Variants in LINGO2 observed in about 807,000 individuals in gnomAD.
The protein encoded by LINGO2 is leucine rich repeat and Ig domain containing 2.
LINGO2 carries 14 observed loss-of-function variants against 30.6 expected under a neutral mutation model. The ratio of observed to expected loss-of-function variants is 0.46; its 90% CI spans 0.30 to 0.72. The LOEUF (loss-of-function observed/expected upper bound fraction) is 0.72. Among genes scored for constraint, LINGO2 ranks in the 30% least tolerant of loss-of-function variants. The probability of loss-of-function intolerance (pLI) is 0.07; values close to 1 mark genes in which losing one functional copy is unlikely to be tolerated. For synonymous variants in LINGO2, 317 were observed against 288.5 expected (o/e 1.10, Z -1.00); for missense variants, 729 against 751.7 (o/e 0.97, Z 0.35).
intron 2 of LINGO2, among the ~76,000 whole-genome samples, chr9:28,383,375 C>T (rs967235318): frequency 1.3e-5 from 2 of 151,624 alleles, no homozygotes; most frequent in African/African-American, 4.8e-5. Context: ...TGTTTTTAAT[C>T]TTCCACAAGT....
At chr9:29,161,598 C>G in the LINGO2 span, among the ~76,000 whole-genome samples, 1 of 152,102 alleles carries the variant, frequency 6.6e-6, no homozygotes, top group Admixed American at 6.6e-5. Flanking sequence ...CTGGGCTGCC[C>G]CTTCAGCATT....
chr9:28,171,693 G>C (rs1431448521), intron 4 of LINGO2, among the ~76,000 whole-genome samples: 1 of 151,974 alleles, frequency 6.6e-6, no homozygotes, highest in Non-Finnish European at 1.5e-5. Flanking sequence ...TGGGCCTCTG[G>C]ATCCTGGCTG....
At chr9:29,090,563 T>C in the LINGO2 span, among the ~76,000 whole-genome samples, 1,105 of 152,160 alleles carry the variant, frequency 7.3e-3, 11 homozygotes, top group African/African-American at 0.026. Context: ...ATGAATTAAT[T>C]AATTTAGCAA....
chr9:28,071,019 T>A (rs1228744866), intron 4 of LINGO2, among the ~76,000 whole-genome samples: 3 of 152,178 alleles, frequency 2.0e-5, no homozygotes, highest in Non-Finnish European at 4.4e-5. Context: ...CTGGCCCCAG[T>A]ACTACTGTTT....
the LINGO2 span, among the ~76,000 whole-genome samples, chr9:28,783,384 T>C: frequency 6.6e-6 from 1 of 152,150 alleles, no homozygotes; most frequent in African/African-American, 2.4e-5. Flanking sequence ...AAATAGTTGT[T>C]ATACTATATT....
intron 4 of LINGO2, among the ~76,000 whole-genome samples, chr9:28,200,794 G>C (rs1820202693): frequency 6.6e-6 from 1 of 152,140 alleles, no homozygotes; most frequent in Non-Finnish European, 1.5e-5. Flanking sequence ...CATTTTTAAA[G>C]TCCAGTGATA....
chr9:28,994,106 T>TA, the LINGO2 span, among the ~76,000 whole-genome samples: 1 of 151,978 alleles, frequency 6.6e-6, no homozygotes, highest in Non-Finnish European at 1.5e-5. Flanking sequence ...CATGATTGTA[T>TA]ATCTAGAAAA....
intron 4 of LINGO2, among the ~76,000 whole-genome samples, chr9:28,255,298 G>A (rs1215201206): frequency 6.6e-6 from 1 of 151,640 alleles, no homozygotes; most frequent in Non-Finnish European, 1.5e-5. Context: ...AGGTATTATA[G>A]TAGTCCCCAC....
intron 3 of LINGO2, among the ~76,000 whole-genome samples, chr9:28,309,433 G>A (rs912592949): frequency 3.8e-4 from 58 of 151,384 alleles, no homozygotes; most frequent in African/African-American, 1.3e-3. Context: ...GGACTGTTGT[G>A]GGGTGGCGGG....
the LINGO2 span, among the ~76,000 whole-genome samples, chr9:28,979,145 T>C: frequency 5.4e-3 from 824 of 152,248 alleles, 7 homozygotes; most frequent in African/African-American, 0.019. Context: ...TTCTCTGTTT[T>C]TGTCTGCTTC....
At chr9:28,348,267 G>C (rs575888671) in intron 3 of LINGO2, among the ~76,000 whole-genome samples, 178 of 152,286 alleles carry the variant, frequency 1.2e-3, no homozygotes, top group Non-Finnish European at 1.7e-3. Context: ...GTGCCAGACA[G>C]TGGGCACAGG....
Position 28,149,334 on chromosome 9 carries a change from C to G in LINGO2, c.-86-136929G>C, listed in dbSNP as rs1014221544. ...TGCACCATCTGGGAAGTGAGGAGCGCCTCTGCCCGGCTGCTCCACCGTCTG... is the reference window on the plus strand; with the variant it reads ...TGCACCATCTGGGAAGTGAGGAGCGGCTCTGCCCGGCTGCTCCACCGTCTG... On this transcript the variant is annotated intron_variant, in intron 4 of 5. Transcript: ENST00000379992. The G allele has an allele frequency of 7.8e-6, 4 of 516,000 alleles. No homozygotes were observed. The Admixed American group carries it at 1.4e-4, about 18-fold the overall frequency. The allele number at this position is 516,000 out of a possible 1,614,324, so 32.0% of individuals were successfully genotyped here.
intron 3 of LINGO2, among the ~76,000 whole-genome samples, chr9:28,299,297 T>A (rs1824046059): frequency 6.6e-6 from 1 of 152,116 alleles, no homozygotes; most frequent in Non-Finnish European, 1.5e-5. Context: ...ACAGAGAATA[T>A]AATAATCAAG....
At chr9:28,797,396 A>AGAGAGAGAGAGAGAGAGAGAG in the LINGO2 span, among the ~76,000 whole-genome samples, 17 of 143,268 alleles carry the variant, frequency 1.2e-4, no homozygotes, top group East Asian at 4.2e-4. Context: ...AGAGAGAGAG[A>AGAGAGAGAGAGAGAGAGAGAG]AAGCCTGCAG....
At chr9:28,055,586 T>C (rs541470451) in intron 4 of LINGO2, among the ~76,000 whole-genome samples, 1 of 152,210 alleles carries the variant, frequency 6.6e-6, no homozygotes. Flanking sequence ...GGCTTCAGTC[T>C]AATTTCTCAA....
intron 1 of LINGO2, among the ~76,000 whole-genome samples, chr9:28,615,521 T>C (rs997679965): frequency 2.0e-5 from 3 of 152,082 alleles, no homozygotes; most frequent in South Asian, 2.1e-4. Flanking sequence ...TCAGAAGAAA[T>C]GTTAAATCAT....
intron 2 of LINGO2, among the ~76,000 whole-genome samples, chr9:28,411,721 A>T (rs894904066): frequency 2.0e-5 from 3 of 152,114 alleles, no homozygotes; most frequent in Non-Finnish European, 2.9e-5. Flanking sequence ...TGATGCTGCT[A>T]TGAACATGGG....
Position 28,663,193 on chromosome 9 carries a change from C to T in LINGO2, c.-365+7007G>A, listed in dbSNP as rs144722851. Among the ~76,000 whole-genome samples, 999 of 152,050 alleles carry T rather than the reference C, an allele frequency of 6.6e-3. 6 individuals carry two copies. The highest frequency in any genetic ancestry group is 0.022 in the African/African-American group (931 of 41,470). On this transcript the variant is annotated intron_variant, in intron 1 of 5. Coordinates refer to ENST00000379992, the Ensembl canonical transcript of LINGO2. ...TTTTTTTGTTGTTGTTGGTGGGGAA[C>T]GGAGTCTCACTCTGTTGCCCAGGCT...
chr9:28,361,638 C>T lies in LINGO2; in HGVS notation c.-246+11198G>A, dbSNP rs139607443. Among the ~76,000 whole-genome samples, 639 of 151,606 alleles carry T rather than the reference C, an allele frequency of 4.2e-3. 5 individuals carry two copies. Among genetic ancestry groups the T allele is most frequent in the Non-Finnish European group, 6.9e-3 (468 of 67,928 alleles). On this transcript the variant is annotated intron_variant, in intron 3 of 5. Coordinates refer to ENST00000379992, the Ensembl canonical transcript of LINGO2. The stretch of plus-strand genomic sequence containing the variant: ...GCAGTCAGAAGTCACAGCAAAGGGC[C>T]TTGATTTTTGAACAAAAAAAAAAGC...
Sources: allele counts gnomAD v4.1 joint callset (sites outside exome capture counted in the v4.1 genomes callset), GRCh38; gene constraint gnomAD v4.1.1; transcripts MANE v1.5; gene names NCBI Gene and HGNC (gene_info 2026-07-23, HGNC 2026-07-21).